The following NEGR1 variants were observed in gnomAD, a reference collection of about 807,000 sequenced individuals.
NEGR1 encodes the protein IgLON family member 4.
A neutral mutation model predicts 40.9 loss-of-function variants in NEGR1; 10 were observed. That is an observed-to-expected ratio of 0.24 (90% CI 0.15 to 0.42). The LOEUF (loss-of-function observed/expected upper bound fraction) is 0.42, where lower values mean the gene tolerates loss of function less well. Among genes scored for constraint, NEGR1 ranks in the 10% least tolerant of loss-of-function variants. The probability of loss-of-function intolerance (pLI) is 1.00; values close to 1 mark genes in which losing one functional copy is unlikely to be tolerated. For synonymous variants in NEGR1, 185 were observed against 166.8 expected (o/e 1.11, Z -0.84); for missense variants, 352 against 438.9 (o/e 0.80, Z 1.77).
chr1:72,069,900 T>C (rs1201945128), intron 1 of NEGR1, among the ~76,000 whole-genome samples: 1 of 152,122 alleles, frequency 6.6e-6, no homozygotes, highest in Non-Finnish European at 1.5e-5. Flanking sequence ...TCTTTCTTCA[T>C]GGACATCCAA....
chr1:72,031,961 A>C (rs1450649692), intron 1 of NEGR1, among the ~76,000 whole-genome samples: 1 of 152,218 alleles, frequency 6.6e-6, no homozygotes, highest in Non-Finnish European at 1.5e-5. Flanking sequence ...TCCACAGCCT[A>C]GTGAGGCAAA....
intron 1 of NEGR1, among the ~76,000 whole-genome samples, chr1:72,158,121 T>C (rs1651428028): frequency 1.3e-5 from 2 of 152,160 alleles, no homozygotes; most frequent in Non-Finnish European, 2.9e-5. Flanking sequence ...TCCAGCAGCA[T>C]ATGTGAGAAG....
intron 5 of NEGR1, among the ~76,000 whole-genome samples, chr1:71,594,987 G>A (rs1649648118): frequency 6.6e-6 from 1 of 152,128 alleles, no homozygotes; most frequent in Non-Finnish European, 1.5e-5. Context: ...CTAGACCCAG[G>A]GGAAATACTT....
intron 4 of NEGR1, among the ~76,000 whole-genome samples, chr1:71,697,233 G>A (rs983784754): frequency 2.2e-4 from 33 of 151,952 alleles, no homozygotes; most frequent in African/African-American, 7.9e-4. Flanking sequence ...ACTATAGTTT[G>A]TAAATACTTT....
intron 1 of NEGR1, among the ~76,000 whole-genome samples, chr1:72,170,432 G>C (rs1219324760): frequency 6.6e-6 from 1 of 152,142 alleles, no homozygotes; most frequent in African/African-American, 2.4e-5. Flanking sequence ...CCTATGGACA[G>C]GGATTTGTGT....
intron 1 of NEGR1, among the ~76,000 whole-genome samples, chr1:72,147,439 A>C (rs2100348143): frequency 6.6e-6 from 1 of 152,240 alleles, no homozygotes; most frequent in African/African-American, 2.4e-5. Context: ...CCCATGATTC[A>C]ACTACCTACA....
intron 1 of NEGR1, among the ~76,000 whole-genome samples, chr1:71,973,042 G>C (rs567650302): frequency 2.6e-4 from 40 of 152,222 alleles, no homozygotes; most frequent in African/African-American, 8.7e-4. Flanking sequence ...ATATAAATTA[G>C]ATCATTTTCT....
At chr1:71,479,514 T>C (rs992557440) in intron 6 of NEGR1, among the ~76,000 whole-genome samples, 2 of 152,000 alleles carry the variant, frequency 1.3e-5, no homozygotes, top group Non-Finnish European at 2.9e-5. Flanking sequence ...CCGGACAGGC[T>C]AAATATTTAA....
chr1:71,807,687 C>A (rs1013009315), intron 2 of NEGR1, among the ~76,000 whole-genome samples: 2 of 152,080 alleles, frequency 1.3e-5, no homozygotes, highest in South Asian at 4.1e-4. Flanking sequence ...TTTTAAAAAT[C>A]AACATTTCAA....
intron 2 of NEGR1, among the ~76,000 whole-genome samples, chr1:71,857,783 C>T (rs947474599): frequency 6.6e-6 from 1 of 152,002 alleles, no homozygotes; most frequent in South Asian, 2.1e-4. Flanking sequence ...TTCTATTTAG[C>T]TTGGCTTCAA....
intron 2 of NEGR1, among the ~76,000 whole-genome samples, chr1:71,854,231 T>G (rs560162207): frequency 1.3e-5 from 2 of 152,148 alleles, no homozygotes; most frequent in Non-Finnish European, 2.9e-5. Flanking sequence ...ATTTCTACAT[T>G]TAGAACACTG....
intron 2 of NEGR1, among the ~76,000 whole-genome samples, chr1:71,838,595 G>C (rs1024660304): frequency 6.6e-6 from 1 of 152,070 alleles, no homozygotes. Flanking sequence ...AAATATAAAG[G>C]CATATTGCAA....
chr1:71,846,938 G>C (rs565538711), intron 2 of NEGR1, among the ~76,000 whole-genome samples: 143 of 152,260 alleles, frequency 9.4e-4, no homozygotes, highest in Non-Finnish European at 1.7e-3. Context: ...TCATGAATTT[G>C]CTAGGGACAC....
At chr1:72,166,694 T>C (rs1651777392) in intron 1 of NEGR1, among the ~76,000 whole-genome samples, 1 of 152,102 alleles carries the variant, frequency 6.6e-6, no homozygotes, top group Admixed American at 6.6e-5. Flanking sequence ...CTCACTTATG[T>C]TGAACTTATA....
At chr1:71,564,279 C>T (rs1446567134) in intron 6 of NEGR1, among the ~76,000 whole-genome samples, 1 of 152,038 alleles carries the variant, frequency 6.6e-6, no homozygotes, top group Non-Finnish European at 1.5e-5. Flanking sequence ...ACATTATCAT[C>T]ACCACATACA....
At chr1:71,947,348 T>C (rs1402917783) in intron 1 of NEGR1, among the ~76,000 whole-genome samples, 2 of 152,050 alleles carry the variant, frequency 1.3e-5, no homozygotes. Context: ...ATGGATTTTA[T>C]GGACAGAAAC....
rs5775102 is a variant in NEGR1, at chr1:72,040,577, C to CAAAAA, written c.177-105271_177-105267dup. Among the ~76,000 whole-genome samples, 62 of 29,704 alleles carry CAAAAA rather than the reference C, an allele frequency of 2.1e-3. 4 individuals are homozygous for CAAAAA. Among genetic ancestry groups the CAAAAA allele is most frequent in the African/African-American group, 4.3e-3 (35 of 8,140 alleles). The allele number at this position is 29,704 out of a possible 152,430, so 19.5% of individuals were successfully genotyped here. On this transcript the variant is annotated intron_variant, in intron 1 of 6. Coordinates refer to ENST00000357731, the MANE Select transcript of NEGR1 (RefSeq NM_173808.3). ...TGGCAAGCACAGTAAGAGCACTGAC[C>CAAAAA]AAAAAAAAAAAAAAAAAAAAAAAAA...
chr1:71,729,779 T>C (rs1654792689), intron 3 of NEGR1, among the ~76,000 whole-genome samples: 1 of 151,878 alleles, frequency 6.6e-6, no homozygotes, highest in African/African-American at 2.4e-5. Context: ...GGACCATAGG[T>C]GCATGCCACC....
chr1:71,588,611 T>C (rs1319475532), intron 6 of NEGR1, among the ~76,000 whole-genome samples: 2 of 152,192 alleles, frequency 1.3e-5, no homozygotes, highest in African/African-American at 2.4e-5. Flanking sequence ...ATTCTATTGA[T>C]GAAATTACTA....
Sources: gnomAD v4.1 joint callset for allele counts (sites outside exome capture counted in the v4.1 genomes callset) on GRCh38, gnomAD v4.1.1 for gene constraint, MANE v1.5 for transcripts, NCBI Gene and HGNC (gene_info 2026-07-23, HGNC 2026-07-21) for gene names.